Variants in RBPMS observed in about 807,000 individuals in gnomAD.
RBPMS encodes the protein RNA binding protein, mRNA processing factor, also known as RNA-binding protein with multiple splicing.
A neutral mutation model predicts 26.8 loss-of-function variants in RBPMS; 7 were observed. That is an observed-to-expected ratio of 0.26 (90% CI 0.15 to 0.49). RBPMS has a LOEUF of 0.49. Among genes scored for constraint, RBPMS ranks in the 20% least tolerant of loss-of-function variants. The pLI is 0.98. For synonymous variants in RBPMS, 96 were observed against 93.3 expected (o/e 1.03, Z -0.17); for missense variants, 186 against 250.0 (o/e 0.74, Z 1.73).
chr8:30,530,773 G>A (rs1468640335), intron 5 of RBPMS, among the ~76,000 whole-genome samples: 1 of 152,056 alleles, frequency 6.6e-6, no homozygotes, highest in Non-Finnish European at 1.5e-5. Flanking sequence ...TTCATGGGAA[G>A]TTTTCTTAAA....
intron 4 of RBPMS, among the ~76,000 whole-genome samples, chr8:30,482,470 A>G (rs1363527857): frequency 6.6e-6 from 1 of 152,128 alleles, no homozygotes; most frequent in Non-Finnish European, 1.5e-5. Context: ...AGTTGTTAGT[A>G]TTAGTGATTA....
intron 6 of RBPMS, chr8:30,553,651 T>A (rs1826584512): frequency 6.6e-6 from 1 of 152,246 alleles, no homozygotes. Flanking sequence ...ACTTCAGCGC[T>A]CCATTCTAGG....
intron 7 of RBPMS, 52 bp from the exon 8 acceptor site, chr8:30,566,205 C>G: frequency 1.0e-6 from 1 of 967,448 alleles, no homozygotes; most frequent in South Asian, 4.8e-5. Context: ...CCGAGGCAGC[C>G]CCAGGTGGAG....
chr8:30,551,483 ACCATTACTCTCCATTACT>A (rs1178781148), intron 6 of RBPMS, among the ~76,000 whole-genome samples: 2 of 152,124 alleles, frequency 1.3e-5, no homozygotes, highest in African/African-American at 2.4e-5. Flanking sequence ...GACTGGGGGC[ACCATTACTCTCCATTACT>A]CCATTACTCT....
intron 7 of RBPMS, among the ~76,000 whole-genome samples, chr8:30,559,509 G>A (rs62508370): frequency 0.21 from 31,823 of 152,194 alleles, 3,764 homozygotes; most frequent in South Asian, 0.38. Context: ...GGGCATTTTT[G>A]TGCCATTTTA....
chr8:30,477,684 CTT>C, intron 2 of RBPMS, 113 bp from the exon 3 acceptor site: 1 of 714,182 alleles, frequency 1.4e-6, no homozygotes, highest in Non-Finnish European at 2.5e-6. Flanking sequence ...TCCCAGATAA[CTT>C]AGGAGACATT....
intron 6 of RBPMS, among the ~76,000 whole-genome samples, chr8:30,545,909 G>A (rs1016952858): frequency 3.9e-5 from 6 of 152,214 alleles, no homozygotes; most frequent in Non-Finnish European, 8.8e-5. Flanking sequence ...GGTGGTGTTG[G>A]TGGTTGAGAG....
intron 1 of RBPMS, among the ~76,000 whole-genome samples, chr8:30,415,211 C>T (rs947355056): frequency 6.6e-6 from 1 of 152,164 alleles, no homozygotes; most frequent in African/African-American, 2.4e-5. Flanking sequence ...CTGACTAATC[C>T]ATCACCAGAT....
chr8:30,393,089 TAATC>T (rs1807979912), intron 1 of RBPMS, among the ~76,000 whole-genome samples: 1 of 152,084 alleles, frequency 6.6e-6, no homozygotes, highest in East Asian at 1.9e-4. Flanking sequence ...GAATTGAAAA[TAATC>T]AAGAAAAATG....
At chr8:30,418,501 T>G (rs952265118) in intron 1 of RBPMS, among the ~76,000 whole-genome samples, 1 of 152,188 alleles carries the variant, frequency 6.6e-6, no homozygotes, top group Non-Finnish European at 1.5e-5. Flanking sequence ...TATTTTTAGT[T>G]TTTCCACAAT....
At chr8:30,544,842 T>C in intron 6 of RBPMS, 1 of 1,527,136 alleles carries the variant, frequency 6.5e-7, no homozygotes, top group Non-Finnish European at 8.8e-7. Context: ...TTGCCCCAAA[T>C]GACACCTCTC....
intron 1 of RBPMS, among the ~76,000 whole-genome samples, chr8:30,420,589 T>TG (rs1410076038): frequency 3.9e-5 from 6 of 152,224 alleles, no homozygotes; most frequent in Non-Finnish European, 8.8e-5. Flanking sequence ...GCGGGTCAGT[T>TG]GAAGTGTTTC....
intron 4 of RBPMS, among the ~76,000 whole-genome samples, chr8:30,484,309 A>G (rs945087818): frequency 2.0e-5 from 3 of 152,170 alleles, no homozygotes; most frequent in Non-Finnish European, 2.9e-5. Flanking sequence ...TTCTGTAGGA[A>G]TTTCACATGA....
At chr8:30,514,679 G>GGTTTTTTTTT (rs773827768) in intron 5 of RBPMS, among the ~76,000 whole-genome samples, 2 of 13,558 alleles carry the variant, frequency 1.5e-4, no homozygotes, top group Non-Finnish European at 4.1e-4. Flanking sequence ...ACCATGCCGG[G>GGTTTTTTTTT]CTTTTTTTTT....
At chr8:30,421,079 G>A (rs1381158031) in intron 1 of RBPMS, among the ~76,000 whole-genome samples, 2 of 152,106 alleles carry the variant, frequency 1.3e-5, no homozygotes, top group African/African-American at 2.4e-5. Context: ...AAGATGATGA[G>A]CTTAAAAGTA....
chr8:30,562,612 C>G (rs1827593317), intron 7 of RBPMS, among the ~76,000 whole-genome samples: 1 of 152,114 alleles, frequency 6.6e-6, no homozygotes, highest in Admixed American at 6.5e-5. Flanking sequence ...TAATCTTAGG[C>G]AAATGTAAAT....
rs186203870 is a variant in RBPMS at position 30,534,578 on chromosome 8, A to G, written c.398-9916A>G. On this transcript the variant is annotated intron_variant, in intron 5 of 8. Coordinates refer to ENST00000397323, the MANE Select transcript of RBPMS (RefSeq NM_001008710.3). ...GGTGGTGGAGTTGCTGAGTTCCTAG[A>G]GCAGGAGAAGGCCATGGGTGAGAGT... Among the ~76,000 whole-genome samples, 7 of 152,342 alleles carry G rather than the reference A, an allele frequency of 4.6e-5. No individual in the cohort carries two copies. The East Asian group carries it at 9.6e-4, about 21-fold the overall frequency.
chr8:30,432,615 T>C (rs1812055073), intron 1 of RBPMS, among the ~76,000 whole-genome samples: 1 of 152,222 alleles, frequency 6.6e-6, no homozygotes, highest in Admixed American at 6.5e-5. Flanking sequence ...AAGATGCTTA[T>C]ATTAAAATCA....
chr8:30,563,534 A>G (rs1414360760), intron 7 of RBPMS, among the ~76,000 whole-genome samples: 2 of 152,126 alleles, frequency 1.3e-5, no homozygotes, highest in Non-Finnish European at 2.9e-5. Flanking sequence ...GGACTCTTGA[A>G]ATTTTCCTGG....
Sources: gnomAD v4.1 joint callset for allele counts (sites outside exome capture counted in the v4.1 genomes callset) on GRCh38, gnomAD v4.1.1 for gene constraint, MANE v1.5 for transcripts, NCBI Gene and HGNC (gene_info 2026-07-23, HGNC 2026-07-21) for gene names.